PRRC2B: variants seen among roughly 807,000 people sequenced by gnomAD.
The protein encoded by PRRC2B is protein PRRC2B.
PRRC2B carries 68 observed loss-of-function variants against 242.3 expected under a neutral mutation model. The ratio of observed to expected loss-of-function variants is 0.28; its 90% CI spans 0.23 to 0.34. The LOEUF is 0.34. Among genes scored for constraint, PRRC2B ranks in the 10% least tolerant of loss-of-function variants. The pLI is 1.00. For missense variants in PRRC2B, 2,835 were observed against 2,954.8 expected (o/e 0.96, Z 0.94); for synonymous variants, 1,228 against 1,173.6 (o/e 1.05, Z -0.95).
intron 1 of PRRC2B, among the ~76,000 whole-genome samples, chr9:131,394,635 G>T (rs1207845108): frequency 6.6e-6 from 1 of 151,324 alleles, no homozygotes; most frequent in Non-Finnish European, 1.5e-5. Context: ...GGGGTCCCGG[G>T]CCCGCAGCCG....
intron 1 of PRRC2B, among the ~76,000 whole-genome samples, chr9:131,413,773 G>A (rs1358014534): frequency 6.6e-6 from 1 of 152,218 alleles, no homozygotes; most frequent in Non-Finnish European, 1.5e-5. Flanking sequence ...CCAGGTTCAA[G>A]CGATTCTTCG....
intron 1 of PRRC2B, among the ~76,000 whole-genome samples, chr9:131,406,631 C>T (rs978173389): frequency 2.0e-5 from 3 of 152,132 alleles, no homozygotes; most frequent in Admixed American, 6.6e-5. Context: ...CAAATGGATA[C>T]GGAACCTGTC....
In PRRC2B at chr9:131,482,297, G is replaced by A; in HGVS notation, c.4984-74G>A. ...GCAGCTGGGGTAGAAAAGTCTCTGT[G>A]CCACATGCAGTTTTACTCTCTGGAT... On this transcript the variant is annotated intron_variant, in intron 20 of 31. Coordinates refer to ENST00000683519, the MANE Select transcript of PRRC2B (RefSeq NM_013318.4). This position sits in a 1 kb window ranked among gnomAD's most constrained non-coding sequence, Gnocchi z 5.2. 2.1e-6 allele frequency: 3 copies of A among 1,462,344 alleles called. No individual in the cohort carries two copies. The highest frequency in any genetic ancestry group is 2.8e-6 in the Non-Finnish European group (3 of 1,084,322). 90.6% of individuals were successfully genotyped at this position (1,462,344 alleles called of 1,614,324 possible). A position where few individuals can be genotyped will look rare whatever the true frequency, so the allele number is the denominator to read the frequency against.
At chr9:131,392,524 T>A (rs1269714329), upstream of PRRC2B, among the ~76,000 whole-genome samples, 1 of 152,196 alleles carries the variant, frequency 6.6e-6, no homozygotes, top group South Asian at 2.1e-4. Flanking sequence ...TTCCTGAAGA[T>A]GGTCAAGGAA....
intron 11 of PRRC2B, among the ~76,000 whole-genome samples, chr9:131,463,566 T>A (rs1943303525): frequency 6.6e-6 from 1 of 150,830 alleles, no homozygotes; most frequent in Non-Finnish European, 1.5e-5. Flanking sequence ...TCCCAGTAAC[T>A]GGCAACCAGC....
At chr9:131,394,749 G>C (rs1364585541) in intron 1 of PRRC2B, among the ~76,000 whole-genome samples, 4 of 151,782 alleles carry the variant, frequency 2.6e-5, no homozygotes, top group African/African-American at 9.7e-5. Context: ...TGGGTCCGGG[G>C]CGCTGAGCGG....
At chr9:131,377,901 A>C (rs1411151244) in intron 1 of PRRC2B, among the ~76,000 whole-genome samples, 5 of 152,180 alleles carry the variant, frequency 3.3e-5, no homozygotes, top group African/African-American at 4.8e-5. Context: ...GACCACAGGC[A>C]TTAATCACCA....
chr9:131,453,368 T>G (rs1942979837), intron 9 of PRRC2B, among the ~76,000 whole-genome samples: 1 of 152,206 alleles, frequency 6.6e-6, no homozygotes, highest in South Asian at 2.1e-4. Flanking sequence ...TTAGATTGAG[T>G]TTTTGTTGTT....
rs569503281 is a variant in PRRC2B at position 131,447,782 on chromosome 9, C to T, written c.1098C>T (p.Ala366=). 2.9e-5 allele frequency: 46 copies of T among 1,612,972 alleles called. No homozygotes were observed. Among genetic ancestry groups the T allele is most frequent in the African/African-American group, 1.7e-4 (13 of 75,024 alleles). Residue 366 remains alanine, a synonymous_variant, in exon 9 of 32, where the codon GCC becomes GCT. Transcript: ENST00000683519. ...ENLKGLDDLD[A]DADDGWAGLH... is the part of the protein sequence containing the mutation. ...TGAAGGGCCTTGACGATCTGGACGCCGATGCCGATGATGGCTGGGCAGGTG... is the reference window on the plus strand; with the variant it reads ...TGAAGGGCCTTGACGATCTGGACGCTGATGCCGATGATGGCTGGGCAGGTG...
intron 1 of PRRC2B, among the ~76,000 whole-genome samples, chr9:131,420,459 T>TC (rs1837780800): frequency 5.2e-4 from 5 of 9,548 alleles, no homozygotes; most frequent in African/African-American, 9.0e-4. Context: ...TTCTTTTTCT[T>TC]TCTTTCTTTC....
At chr9:131,402,986 A>C (rs974267011) in intron 1 of PRRC2B, among the ~76,000 whole-genome samples, 1 of 152,232 alleles carries the variant, frequency 6.6e-6, no homozygotes, top group Non-Finnish European at 1.5e-5. Flanking sequence ...ATCTCTTTGT[A>C]TAGAACCATG....
chr9:131,409,337 G>A (rs769425940), intron 1 of PRRC2B, among the ~76,000 whole-genome samples: 13 of 151,440 alleles, frequency 8.6e-5, no homozygotes, highest in South Asian at 2.1e-4. Flanking sequence ...CTGCCACCAC[G>A]CCTGGCTAAT....
chr9:131,448,545 A>G (rs1217284240), intron 9 of PRRC2B, among the ~76,000 whole-genome samples: 2 of 100,490 alleles, frequency 2.0e-5, no homozygotes, highest in Non-Finnish European at 4.0e-5. Context: ...CACTGTCTCA[A>G]AAAAAAAAAA....
intron 10 of PRRC2B, among the ~76,000 whole-genome samples, chr9:131,456,070 G>A (rs1943065458): frequency 6.6e-6 from 1 of 151,814 alleles, no homozygotes; most frequent in Non-Finnish European, 1.5e-5. Context: ...CCAAGATTGT[G>A]CCACTGTACT....
intron 1 of PRRC2B, among the ~76,000 whole-genome samples, chr9:131,407,688 T>G (rs751162655): frequency 2.1e-4 from 32 of 152,194 alleles, no homozygotes; most frequent in Non-Finnish European, 4.1e-4. Flanking sequence ...TTTTTGGATT[T>G]ATTTATTTTC....
chr9:131,389,872 C>A (rs1297746257), upstream of PRRC2B, among the ~76,000 whole-genome samples: 1 of 145,834 alleles, frequency 6.9e-6, no homozygotes, highest in Non-Finnish European at 1.5e-5. Flanking sequence ...GCTAGCTCTG[C>A]TGGTTGGAGA....
chr9:131,470,312 A>G (rs1320269539), intron 13 of PRRC2B, among the ~76,000 whole-genome samples: 1 of 152,084 alleles, frequency 6.6e-6, no homozygotes, highest in Non-Finnish European at 1.5e-5. Flanking sequence ...GGGTTGACAT[A>G]TTGGGCGTGG....
intron 19 of PRRC2B, among the ~76,000 whole-genome samples, chr9:131,479,853 G>A (rs975913248): frequency 6.6e-6 from 1 of 152,066 alleles, no homozygotes; most frequent in South Asian, 2.1e-4. Flanking sequence ...ATGCTCTTCT[G>A]GAAAGGCAAA....
At chr9:131,479,979 A>G (rs779629082) in intron 19 of PRRC2B, among the ~76,000 whole-genome samples, 12 of 152,192 alleles carry the variant, frequency 7.9e-5, no homozygotes, top group South Asian at 2.1e-4. Context: ...TATAAAATAG[A>G]AAACTATTTT....
Sources: allele counts gnomAD v4.1 joint callset (sites outside exome capture counted in the v4.1 genomes callset), GRCh38; gene constraint gnomAD v4.1.1; non-coding constraint Gnocchi (gnomAD v3.1); transcripts MANE v1.5; gene names NCBI Gene and HGNC (gene_info 2026-07-23, HGNC 2026-07-21).